Variants in CTNNA1 observed in about 807,000 individuals in gnomAD.
The protein encoded by CTNNA1 is catenin alpha-1.
In CTNNA1, 37 loss-of-function variants were observed where a neutral mutation model predicts 98.4. The observed-to-expected ratio is 0.38, with a 90% CI of 0.29 to 0.49. CTNNA1 has a LOEUF of 0.49. CTNNA1 is among the 20% of genes least tolerant of loss of function. The pLI, the probability that CTNNA1 is intolerant of heterozygous loss-of-function variation, is 0.95. For missense variants in CTNNA1, 761 were observed against 1,147.2 expected (o/e 0.66, Z 4.86); for synonymous variants, 404 against 413.2 (o/e 0.98, Z 0.27).
intron 5 of CTNNA1, among the ~76,000 whole-genome samples, chr5:138,820,749 G>T (rs1297785867): frequency 5.0e-5 from 1 of 20,052 alleles, no homozygotes; most frequent in Non-Finnish European, 1.5e-4. Context: ...GTTGTTTTGA[G>T]GGGGGTGAAT....
chr5:138,772,694 T>C (rs1753675986), intron 1 of CTNNA1, among the ~76,000 whole-genome samples: 2 of 152,220 alleles, frequency 1.3e-5, no homozygotes, highest in Admixed American at 6.5e-5. Context: ...CTGAAGACCA[T>C]ATGCTAAACC....
chr5:138,771,534 C>T (rs1042131438), intron 1 of CTNNA1, among the ~76,000 whole-genome samples: 1 of 151,994 alleles, frequency 6.6e-6, no homozygotes. Flanking sequence ...CCTCCATGCC[C>T]AGCTAATTTT....
intron 9 of CTNNA1, among the ~76,000 whole-genome samples, chr5:138,888,150 T>C (rs1415223819): frequency 1.3e-5 from 2 of 152,232 alleles, no homozygotes; most frequent in African/African-American, 4.8e-5. Flanking sequence ...AGTCTTGTTT[T>C]AAAAGCAGAG....
At chr5:138,824,975 C>T (rs1014285222) in intron 6 of CTNNA1, among the ~76,000 whole-genome samples, 176 bp downstream of exon 6, 1 of 152,126 alleles carries the variant, frequency 6.6e-6, no homozygotes, top group Non-Finnish European at 1.5e-5. Context: ...TGGCCTAAAA[C>T]ATTTATTTTT....
rs369795977 is a variant in CTNNA1, at chr5:138,776,894, A to C, written c.-2-5029A>C. 9.0e-4 allele frequency among the ~76,000 whole-genome samples: 70 copies of C among 77,750 alleles called. 3 individuals carry two copies. The highest frequency in any genetic ancestry group is 3.3e-3 in the African/African-American group (62 of 19,058). The allele number at this position is 77,750 out of a possible 152,430, so 51.0% of individuals were successfully genotyped here. ...TCCCGGGCGGGGCGGCTGGCCGGGC[A>C]GGGGGCTGACCCCCCCACCTCCCTC... On this transcript the variant is annotated intron_variant, in intron 1 of 17. Coordinates refer to ENST00000302763, the MANE Select transcript of CTNNA1 (RefSeq NM_001903.5).
intron 1 of CTNNA1, among the ~76,000 whole-genome samples, chr5:138,773,856 G>T (rs748140918): frequency 6.6e-6 from 1 of 151,728 alleles, no homozygotes; most frequent in Non-Finnish European, 1.5e-5. Flanking sequence ...GACTATGGAT[G>T]CACACCACTA....
At chr5:138,823,300 A>G (rs769950743) in intron 5 of CTNNA1, among the ~76,000 whole-genome samples, 1 of 152,218 alleles carries the variant, frequency 6.6e-6, no homozygotes, top group Non-Finnish European at 1.5e-5. Flanking sequence ...CCTACCAAGT[A>G]GATGCCATCA....
chr5:138,914,160 G>A (rs565599584), intron 10 of CTNNA1, among the ~76,000 whole-genome samples: 40 of 152,108 alleles, frequency 2.6e-4, no homozygotes, highest in South Asian at 1.7e-3. Flanking sequence ...TACTGTATGC[G>A]ATATATTACA....
chr5:138,924,444 A>G (rs1763578189), intron 11 of CTNNA1, 66 bp from the exon 12 acceptor site: 3 of 1,517,750 alleles, frequency 2.0e-6, no homozygotes, highest in African/African-American at 1.4e-5. Flanking sequence ...GATAGATGCC[A>G]GCTTACAGTT....
chr5:138,795,074 C>T (rs1226231093), intron 3 of CTNNA1, among the ~76,000 whole-genome samples: 3 of 147,160 alleles, frequency 2.0e-5, no homozygotes, highest in Non-Finnish European at 4.4e-5. Flanking sequence ...CACTTGAACT[C>T]GGGAGGTGAA....
chr5:138,839,293 C>T (rs574610916), intron 7 of CTNNA1, among the ~76,000 whole-genome samples: 44 of 151,942 alleles, frequency 2.9e-4, no homozygotes, highest in African/African-American at 9.2e-4. Context: ...GGCATGATCT[C>T]GGCTCAAGTG....
intron 3 of CTNNA1, among the ~76,000 whole-genome samples, chr5:138,794,362 A>G (rs28363391): frequency 4.1e-4 from 62 of 152,090 alleles, no homozygotes; most frequent in Non-Finnish European, 4.4e-5. Context: ...TAAAAAAAAA[A>G]CAAAAAAACA....
At chr5:138,929,756 A>G (rs560856572) in intron 14 of CTNNA1, among the ~76,000 whole-genome samples, 2 of 152,382 alleles carry the variant, frequency 1.3e-5, no homozygotes, top group East Asian at 1.9e-4. Context: ...CATTCAAGAA[A>G]GCCAGTCAGA....
At chr5:138,839,074 GTTTAA>G (rs1391954047) in intron 7 of CTNNA1, among the ~76,000 whole-genome samples, 2 of 152,052 alleles carry the variant, frequency 1.3e-5, no homozygotes, top group African/African-American at 2.4e-5. Context: ...CTGATTTCTA[GTTTAA>G]TTCTAATTCC....
chr5:138,865,512 C>T (rs766431540), intron 7 of CTNNA1, among the ~76,000 whole-genome samples: 14 of 152,132 alleles, frequency 9.2e-5, no homozygotes, highest in Non-Finnish European at 1.6e-4. Context: ...CTTTTTCCAG[C>T]GAAACCAATG....
chr5:138,916,506 G>T (rs1423907196), intron 10 of CTNNA1, among the ~76,000 whole-genome samples: 1 of 151,264 alleles, frequency 6.6e-6, no homozygotes, highest in Non-Finnish European at 1.5e-5. Context: ...GGGATTACGA[G>T]CTCGAGCCAC....
At chr5:138,842,433 C>T (rs1386823187) in intron 7 of CTNNA1, among the ~76,000 whole-genome samples, 1 of 152,182 alleles carries the variant, frequency 6.6e-6, no homozygotes, top group Non-Finnish European at 1.5e-5. Context: ...TAGCCGAAGC[C>T]ACTGTATATA....
intron 13 of CTNNA1, among the ~76,000 whole-genome samples, chr5:138,928,592 C>T (rs1456950888): frequency 6.6e-6 from 1 of 152,194 alleles, no homozygotes; most frequent in African/African-American, 2.4e-5. Flanking sequence ...GGACAGTTCT[C>T]ATCTTTGTCT....
In CTNNA1 at chr5:138,874,549, A is replaced by G. The variant is rs1441947385; in HGVS notation, c.1063-11663A>G. Reference sequence around the variant, plus strand: ...TAGGGGCCCCTAATGGCCACTTGAAATGTAAGCCTGCAGAATATAATTTAA... The same window carrying G: ...TAGGGGCCCCTAATGGCCACTTGAAGTGTAAGCCTGCAGAATATAATTTAA... On this transcript the variant is annotated intron_variant, in intron 7 of 17. Transcript: ENST00000302763. The surrounding 1 kb of genome is among the most constrained non-coding windows in gnomAD (Gnocchi z 4.1). 3.9e-6 allele frequency: 6 copies of G among 1,552,552 alleles called. No homozygotes were observed. Among genetic ancestry groups the G allele is most frequent in the Non-Finnish European group, 5.3e-6 (6 of 1,142,152 alleles).
Sources: gnomAD v4.1 joint callset for allele counts (sites outside exome capture counted in the v4.1 genomes callset) on GRCh38, gnomAD v4.1.1 for gene constraint, Gnocchi (gnomAD v3.1) non-coding constraint, MANE v1.5 for transcripts, NCBI Gene and HGNC (gene_info 2026-07-23, HGNC 2026-07-21) for gene names.